The following EDIL3 variants were observed in gnomAD, a reference collection of about 807,000 sequenced individuals.
EDIL3 encodes EGF like and discoidin domains 3.
EDIL3 carries 37 observed loss-of-function variants against 67.4 expected under a neutral mutation model. The observed-to-expected ratio is 0.55, with a 90% CI of 0.42 to 0.72. The LOEUF is 0.72. Among genes scored for constraint, EDIL3 ranks in the 30% least tolerant of loss-of-function variants. The probability of loss-of-function intolerance (pLI) is 0.00; values close to 1 mark genes in which losing one functional copy is unlikely to be tolerated. For synonymous variants in EDIL3, 195 were observed against 196.3 expected, an observed-to-expected ratio of 0.99 and a Z score of 0.05; for missense variants, 527 against 586.3, an observed-to-expected ratio of 0.90 and a Z score of 1.04.
At chr5:84,001,231 T>A (rs1580273189) in intron 9 of EDIL3, among the ~76,000 whole-genome samples, 1 of 151,900 alleles carries the variant, frequency 6.6e-6, no homozygotes, top group East Asian at 1.9e-4. Context: ...GTATTTTTAG[T>A]AAAGATGAGG....
intron 9 of EDIL3, 83 bp from the exon 10 acceptor site, chr5:83,963,443 C>CTA: frequency 7.2e-7 from 1 of 1,385,438 alleles, no homozygotes; most frequent in Admixed American, 2.6e-5. Flanking sequence ...GAGAATAAAA[C>CTA]TATATATATC....
At chr5:83,953,691 G>A (rs1561383913) in intron 10 of EDIL3, among the ~76,000 whole-genome samples, 3 of 151,758 alleles carry the variant, frequency 2.0e-5, no homozygotes, top group Admixed American at 6.6e-5. Context: ...CAGAAAAACC[G>A]AGAGGACTGC....
At chr5:84,256,976 A>T (rs1240043142) in intron 1 of EDIL3, among the ~76,000 whole-genome samples, 1 of 152,236 alleles carries the variant, frequency 6.6e-6, no homozygotes, top group Non-Finnish European at 1.5e-5. Flanking sequence ...ACCTATGTGG[A>T]GTAATCAGTG....
At chr5:84,219,576 AG>A (rs1197371928) in intron 3 of EDIL3, among the ~76,000 whole-genome samples, 13 of 152,348 alleles carry the variant, frequency 8.5e-5, no homozygotes, top group South Asian at 2.1e-4. Flanking sequence ...AAACTAAAAT[AG>A]AACTACCAGA....
intron 1 of EDIL3, among the ~76,000 whole-genome samples, chr5:84,299,963 T>C (rs1746123879): frequency 6.6e-6 from 1 of 152,242 alleles, no homozygotes; most frequent in Non-Finnish European, 1.5e-5. Flanking sequence ...AAATCTACCA[T>C]GTCTAGTCTG....
At chr5:84,142,815 C>T (rs553250611) in intron 4 of EDIL3, among the ~76,000 whole-genome samples, 3 of 148,172 alleles carry the variant, frequency 2.0e-5, no homozygotes, top group Non-Finnish European at 4.5e-5. Flanking sequence ...CAATGATAGA[C>T]GGTGCCCCCC....
Position 84,075,947 on chromosome 5 carries a change from TTATATATA to T in EDIL3, c.652-9349_652-9342del, listed in dbSNP as rs10546643. ...ACACACTCACGTGCCATTGTGGGTT[TTATATATA>T]TATATATATATATAAATATTTATCA... On this transcript the variant is annotated intron_variant, in intron 6 of 10. Transcript: ENST00000296591. 6.9e-3 allele frequency among the ~76,000 whole-genome samples: 896 copies of T among 130,638 alleles called. 8 individuals are homozygous for T. Among genetic ancestry groups the T allele is most frequent in the African/African-American group, 0.022 (868 of 38,584 alleles). 85.7% of individuals were successfully genotyped at this position (130,638 alleles called of 152,430 possible).
intron 1 of EDIL3, among the ~76,000 whole-genome samples, chr5:84,376,653 C>A (rs1174826162): frequency 1.3e-5 from 2 of 152,152 alleles, no homozygotes; most frequent in African/African-American, 2.4e-5. Context: ...GTTCCTGAAA[C>A]TACTTTGACC....
At chr5:84,123,660 T>C (rs1747816353) in intron 5 of EDIL3, among the ~76,000 whole-genome samples, 1 of 151,912 alleles carries the variant, frequency 6.6e-6, no homozygotes, top group Non-Finnish European at 1.5e-5. Context: ...GAAACATGAT[T>C]TTTATAGGTT....
chr5:84,215,795 G>A (rs1744215978), intron 3 of EDIL3, among the ~76,000 whole-genome samples: 1 of 152,164 alleles, frequency 6.6e-6, no homozygotes, highest in African/African-American at 2.4e-5. Context: ...CAGGGTTTAT[G>A]TTTGTGTTTG....
intron 9 of EDIL3, among the ~76,000 whole-genome samples, chr5:84,053,998 A>G (rs935588694): frequency 1.3e-5 from 2 of 152,178 alleles, no homozygotes; most frequent in African/African-American, 4.8e-5. Context: ...TGGCAGAGAC[A>G]CAACAAAAAA....
At chr5:84,210,845 C>G (rs541500245) in intron 3 of EDIL3, among the ~76,000 whole-genome samples, 1 of 152,126 alleles carries the variant, frequency 6.6e-6, no homozygotes, top group African/African-American at 2.4e-5. Flanking sequence ...ATGAGAGCTG[C>G]AAAAGTAAAT....
chr5:84,040,862 C>T (rs1293445698), intron 9 of EDIL3, among the ~76,000 whole-genome samples: 6 of 152,066 alleles, frequency 3.9e-5, no homozygotes, highest in Admixed American at 1.3e-4. Context: ...CCAGGCACAG[C>T]GGCTCACGCC....
At chr5:83,959,176 C>T (rs1744564851) in intron 10 of EDIL3, among the ~76,000 whole-genome samples, 2 of 148,478 alleles carry the variant, frequency 1.3e-5, no homozygotes, top group Admixed American at 1.4e-4. Context: ...TATTTAAATA[C>T]TCCTGTGTGT....
intron 1 of EDIL3, among the ~76,000 whole-genome samples, chr5:84,360,100 C>G (rs1747565637): frequency 6.6e-6 from 1 of 152,186 alleles, no homozygotes; most frequent in Admixed American, 6.5e-5. Flanking sequence ...TAAACTACTA[C>G]TACCACACTG....
intron 1 of EDIL3, among the ~76,000 whole-genome samples, chr5:84,342,683 C>T (rs1353794257): frequency 6.6e-6 from 1 of 151,878 alleles, no homozygotes; most frequent in Non-Finnish European, 1.5e-5. Context: ...CACTAGGAGT[C>T]TTGTTTTGGC....
At chr5:84,361,059 C>T (rs1747586643) in intron 1 of EDIL3, among the ~76,000 whole-genome samples, 1 of 151,908 alleles carries the variant, frequency 6.6e-6, no homozygotes, top group African/African-American at 2.4e-5. Flanking sequence ...TGCCTGTTCC[C>T]TAAGTCACTT....
At chr5:83,983,362 C>T (rs187734560) in intron 9 of EDIL3, among the ~76,000 whole-genome samples, 2 of 151,962 alleles carry the variant, frequency 1.3e-5, no homozygotes, top group East Asian at 1.9e-4. Flanking sequence ...TTAGATAGGT[C>T]GACGGATGAA....
At chr5:84,080,625 G>T (rs914109070) in intron 6 of EDIL3, among the ~76,000 whole-genome samples, 1 of 148,976 alleles carries the variant, frequency 6.7e-6, no homozygotes, top group African/African-American at 2.5e-5. Flanking sequence ...AAAAGAAAAG[G>T]TTTTTTTCTA....
Sources: gnomAD v4.1 joint callset for allele counts (sites outside exome capture counted in the v4.1 genomes callset) on GRCh38, gnomAD v4.1.1 for gene constraint, MANE v1.5 for transcripts, NCBI Gene and HGNC (gene_info 2026-07-23, HGNC 2026-07-21) for gene names.